The following MDM2 variants were observed in gnomAD, a reference collection of about 807,000 sequenced individuals.
The protein encoded by MDM2 is MDM2 proto-oncogene.
Under a neutral mutation model 64.3 loss-of-function variants are expected in MDM2, and 11 were observed. The observed-to-expected ratio is 0.17, with a 90% CI of 0.11 to 0.28. The LOEUF is 0.28. Ranked by LOEUF, MDM2 falls within the 10% of genes least tolerant of loss-of-function variation. The probability of loss-of-function intolerance (pLI) is 1.00; values close to 1 mark genes in which losing one functional copy is unlikely to be tolerated. For missense variants in MDM2, 388 were observed against 577.1 expected, an observed-to-expected ratio of 0.67 and a Z score of 3.36; for synonymous variants, 194 against 192.9, an observed-to-expected ratio of 1.01 and a Z score of -0.05.
rs1250696765 is a variant in MDM2, at chr12:68,844,664, A to G, written c.*4815A>G. ...AAGTACATCAGAAAAAAACAAAAAA[A>G]CTGGCTTTAAAGCAGGAGCTTGTGG... On this transcript the variant is annotated 3_prime_UTR_variant, in exon 11 of 11. Coordinates refer to ENST00000258149, the MANE Select transcript of MDM2 (RefSeq NM_002392.6). The G allele has an allele frequency of 4.4e-6, 1 of 225,158 alleles. No homozygotes were observed. Among genetic ancestry groups the G allele is most frequent in the African/African-American group, 2.2e-5 (1 of 44,752 alleles). 13.9% of individuals were successfully genotyped at this position (225,158 alleles called of 1,614,324 possible). A position where few individuals can be genotyped will look rare whatever the true frequency, so the allele number is the denominator to read the frequency against.
At chr12:68,846,716 A>G (rs1592615119), downstream of MDM2, 2 of 152,184 alleles carry the variant, frequency 1.3e-5, no homozygotes, top group East Asian at 3.8e-4. Flanking sequence ...ACACTATGAA[A>G]TGGGTGCTTG....
At chr12:68,815,649 C>A (rs1881305617) in intron 3 of MDM2, 2 of 414,634 alleles carry the variant, frequency 4.8e-6, no homozygotes, top group Non-Finnish European at 9.6e-6. Flanking sequence ...CACTATGTTG[C>A]CCAGGCTGGT....
chr12:68,848,137 A>G (rs1884456910), downstream of MDM2: 1 of 152,216 alleles, frequency 6.6e-6, no homozygotes, highest in Non-Finnish European at 1.5e-5. Flanking sequence ...TTAAAAAAAT[A>G]AAAAATAACA....
chr12:68,832,901 C>T (rs1386115644), intron 8 of MDM2, among the ~76,000 whole-genome samples: 2 of 150,928 alleles, frequency 1.3e-5, no homozygotes, highest in East Asian at 1.9e-4. Flanking sequence ...CTGAGGCGGG[C>T]GGATCACAAG....
Position 68,839,704 on chromosome 12 carries a change from G to A in MDM2, c.1349G>A (p.Arg450Gln), listed in dbSNP as rs1883599844. The change falls in exon 11 of 11, where the codon CGA (arginine) becomes CAA (glutamine). Residue 450 changes from arginine to glutamine, a missense_variant. Coordinates refer to ENST00000258149, the MANE Select transcript of MDM2 (RefSeq NM_002392.6). ...GAACCTTGTGTGATTTGTCAAGGTC[G>A]ACCTAAAAATGGTTGCATTGTCCAT... The part of the protein sequence containing the change: ...AIEPCVICQG[R>Q]PKNGCIVHGK... 1 of 1,613,580 alleles carries A rather than the reference G, an allele frequency of 6.2e-7. No homozygotes were observed. The highest frequency in any genetic ancestry group is 8.5e-7 in the Non-Finnish European group (1 of 1,179,976).
At chr12:68,810,704 G>A (rs192243886) in intron 2 of MDM2, among the ~76,000 whole-genome samples, 11 of 152,136 alleles carry the variant, frequency 7.2e-5, no homozygotes, top group African/African-American at 2.6e-4. Context: ...CTGGTGATCC[G>A]CCCGCCTCGG....
At position 68,840,966 on chromosome 12, in the gene MDM2, T is replaced by A. The variant is rs1883722903; in HGVS notation, c.*1117T>A. ...TTCAAGCTATTCTCCTGCCTCAGCCTTCCAAGTAACTGGGATTACAGGCAT... is the reference window on the plus strand; with the variant it reads ...TTCAAGCTATTCTCCTGCCTCAGCCATCCAAGTAACTGGGATTACAGGCAT... On this transcript the variant is annotated 3_prime_UTR_variant, in exon 11 of 11. Transcript: ENST00000258149. 6.1e-6 allele frequency: 1 copy of A among 163,532 alleles called. No individual in the cohort carries two copies. The highest frequency in any genetic ancestry group is 1.3e-5 in the Non-Finnish European group (1 of 76,422). 10.1% of individuals were successfully genotyped at this position (163,532 alleles called of 1,614,324 possible). A position where few individuals can be genotyped will look rare whatever the true frequency, so the allele number is the denominator to read the frequency against.
chr12:68,824,668 A>T lies in MDM2; in HGVS notation c.523+17A>T. 1.4e-6 allele frequency: 2 copies of T among 1,444,214 alleles called. No homozygotes were observed. The highest frequency in any genetic ancestry group is 2.4e-5 in the South Asian group (2 of 84,066). 89.5% of individuals were successfully genotyped at this position (1,444,214 alleles called of 1,614,324 possible). ...GTGAGACAGGTATATATGAATATTT[A>T]TTTGACGCATTCACACAGCTTTTTG... On this transcript the variant is annotated intron_variant, in intron 7 of 10. Coordinates refer to ENST00000258149, the MANE Select transcript of MDM2 (RefSeq NM_002392.6).
In MDM2 at chr12:68,845,207, A is replaced by C. The variant is rs1884181725; in HGVS notation, c.*5358A>C. On this transcript the variant is annotated 3_prime_UTR_variant, in exon 11 of 11. Transcript: ENST00000258149. ...ATTACATTTTGATTTGATACTTATA[A>C]AAAGAAAAAGTATTTCTTCAGCTTA... 1 of 86,318 alleles carries C rather than the reference A, an allele frequency of 1.2e-5. No individual in the cohort carries two copies. The allele number at this position is 86,318 out of a possible 1,614,324, so 5.3% of individuals were successfully genotyped here.
chr12:68,843,090 T>A lies in MDM2; in HGVS notation c.*3241T>A, dbSNP rs572706510. ...TCAGTGCCTTTTGCAATTTGTTGTG[T>A]GGGTTTTTTTTTTTTTAAAGCCACA... On this transcript the variant is annotated 3_prime_UTR_variant, in exon 11 of 11. Transcript: ENST00000258149. 1.3e-5 allele frequency: 3 copies of A among 223,092 alleles called. No individual in the cohort carries two copies. The East Asian group carries it at 2.0e-4, about 15-fold the overall frequency. 13.8% of individuals were successfully genotyped at this position (223,092 alleles called of 1,614,324 possible).
chr12:68,817,731 G>A (rs945128258), intron 4 of MDM2, among the ~76,000 whole-genome samples: 6 of 151,706 alleles, frequency 4.0e-5, no homozygotes, highest in African/African-American at 1.5e-4. Context: ...CTCCAGCCTG[G>A]GCAACGAGCA....
Position 68,842,144 on chromosome 12 carries a change from T to A in MDM2, c.*2295T>A. ...AATTTGAAAAATATAGTAACAAGCC[T>A]GTCAAATATCTGCAAGAACTATGGA... On this transcript the variant is annotated 3_prime_UTR_variant, in exon 11 of 11. Coordinates refer to ENST00000258149, the MANE Select transcript of MDM2 (RefSeq NM_002392.6). 2.2e-6 allele frequency: 1 copy of A among 462,112 alleles called. No individual in the cohort carries two copies. The highest frequency in any genetic ancestry group is 4.2e-6 in the Non-Finnish European group (1 of 237,864). 28.6% of individuals were successfully genotyped at this position (462,112 alleles called of 1,614,324 possible).
At chr12:68,818,852 TC>T (rs756183185) in intron 4 of MDM2, among the ~76,000 whole-genome samples, 35 of 152,090 alleles carry the variant, frequency 2.3e-4, no homozygotes, top group Admixed American at 4.6e-4. Flanking sequence ...TGCCTCAGCC[TC>T]CTGAGTAGCT....
chr12:68,834,169 G>A (rs541601942), intron 8 of MDM2, among the ~76,000 whole-genome samples: 53 of 152,272 alleles, frequency 3.5e-4, no homozygotes, highest in African/African-American at 1.0e-3. Flanking sequence ...TGGGCTGGGC[G>A]AGGTGGCTCA....
At chr12:68,810,847 G>A (rs1237047602) in intron 2 of MDM2, among the ~76,000 whole-genome samples, 1 of 151,256 alleles carries the variant, frequency 6.6e-6, no homozygotes, top group Non-Finnish European at 1.5e-5. Context: ...GTGAGGCTGG[G>A]CACCTTTCCT....
chr12:68,826,002 G>A (rs3730585), intron 7 of MDM2, among the ~76,000 whole-genome samples: 2,104 of 152,264 alleles, frequency 0.014, 53 homozygotes, highest in African/African-American at 0.047. Flanking sequence ...TTGAAAGATA[G>A]TCACTTTAAA....
intron 7 of MDM2, chr12:68,824,866 CCCA>C: frequency 2.0e-6 from 1 of 500,504 alleles, no homozygotes; most frequent in South Asian, 2.5e-5. Context: ...TTTACTGTGC[CCCA>C]CTGGAGTTTA....
rs1044633873 is a variant in MDM2, at chr12:68,839,787, A to C, written c.1432A>C (p.Asn478His). The change falls in exon 11 of 11, where the codon AAT becomes CAT. Residue 478 changes from asparagine (N) to histidine (H), a missense_variant. Physicochemically the swap from Asn to His is moderately conservative, Grantham distance 68. Coordinates refer to ENST00000258149, the MANE Select transcript of MDM2 (RefSeq NM_002392.6). ...ATGTGCAAAGAAGCTAAAGAAAAGG[A>C]ATAAGCCCTGCCCAGTATGTAGACA... ...FTCAKKLKKR[N>H]KPCPVCRQPI... The C allele has an allele frequency of 6.2e-6, 10 of 1,614,164 alleles. No individual in the cohort carries two copies. Among genetic ancestry groups the C allele is most frequent in the Non-Finnish European group, 7.6e-6 (9 of 1,180,034 alleles).
intron 7 of MDM2, among the ~76,000 whole-genome samples, chr12:68,827,366 T>C (rs1882429219): frequency 6.6e-6 from 1 of 152,220 alleles, no homozygotes; most frequent in Non-Finnish European, 1.5e-5. Flanking sequence ...TAGTCATTTG[T>C]ATTTCTTCTG....
Sources: allele counts gnomAD v4.1 joint callset (sites outside exome capture counted in the v4.1 genomes callset), GRCh38; gene constraint gnomAD v4.1.1; transcripts MANE v1.5; gene names NCBI Gene and HGNC (gene_info 2026-07-23, HGNC 2026-07-21).